The following CHD2 variants were observed in gnomAD, a reference collection of about 807,000 sequenced individuals.
CHD2 encodes chromodomain helicase DNA binding protein 2, also known as ATP-dependent chromatin remodeler CHD2.
A neutral mutation model predicts 243.9 loss-of-function variants in CHD2; 28 were observed. The observed-to-expected ratio is 0.11, with a 90% confidence interval of 0.09 to 0.16. The LOEUF is 0.16. CHD2 is among the 10% of genes least tolerant of loss of function. The pLI is 1.00. For synonymous variants in CHD2, 775 were observed against 779.0 expected (o/e 0.99, Z 0.09); for missense variants, 1,386 against 2,209.8 (o/e 0.63, Z 7.47).
intron 2 of CHD2, among the ~76,000 whole-genome samples, chr15:92,903,777 G>GT (rs1261822283): frequency 2.6e-5 from 4 of 152,200 alleles, no homozygotes; most frequent in Non-Finnish European, 5.9e-5. Context: ...ACGGCACCAC[G>GT]TTAGCAATTT....
At chr15:92,924,250 G>T (rs998482476) in intron 2 of CHD2, 71 bp from the exon 3 acceptor site, 47 of 1,383,618 alleles carry the variant, frequency 3.4e-5, no homozygotes, top group African/African-American at 5.8e-5. Flanking sequence ...TTTACCATGA[G>T]AATTTTTTTT....
chr15:93,011,406 G>T (rs763254697), intron 35 of CHD2, among the ~76,000 whole-genome samples: 1 of 152,232 alleles, frequency 6.6e-6, no homozygotes, highest in Admixed American at 6.5e-5. Context: ...GAGATGAACA[G>T]AGTTCTCAGG....
chr15:92,985,740 G>T (rs2141852180), intron 26 of CHD2, 67 bp downstream of exon 26: 1 of 1,497,798 alleles, frequency 6.7e-7, no homozygotes, highest in African/African-American at 1.4e-5. Flanking sequence ...GGGTTGACTG[G>T]ATCCTGGACA....
At chr15:92,980,213 T>A (rs1277333483) in intron 22 of CHD2, among the ~76,000 whole-genome samples, 1 of 86,434 alleles carries the variant, frequency 1.2e-5, no homozygotes, top group African/African-American at 3.4e-5. Context: ...CCTAGCTAAT[T>A]TTTTTTTTCT....
At chr15:92,990,354 T>C (rs2054101253) in intron 26 of CHD2, among the ~76,000 whole-genome samples, 1 of 152,244 alleles carries the variant, frequency 6.6e-6, no homozygotes, top group Admixed American at 6.5e-5. Context: ...TGAAGCTTGC[T>C]GAGCCATTTT....
Position 92,944,394 on chromosome 15 carries a change from TTCTG to T in CHD2, c.1053-12_1053-9del. The T allele has an allele frequency of 7.0e-7, 1 of 1,425,732 alleles. No homozygotes were observed. The highest frequency in any genetic ancestry group is 9.9e-7 in the Non-Finnish European group (1 of 1,012,774). 88.3% of individuals were successfully genotyped at this position (1,425,732 alleles called of 1,614,324 possible). A position where few individuals can be genotyped will look rare whatever the true frequency, so the allele number is the denominator to read the frequency against. On this transcript the variant is annotated splice_polypyrimidine_tract_variant and intron_variant, in intron 9 of 38. Coordinates refer to ENST00000394196, the MANE Select transcript of CHD2 (RefSeq NM_001271.4). ...CCAGACTTTAGTTTATGTGTACTTT[TTCTG>T]TCTGTCTGCCATTCAGGTTAGGGAA...
chr15:92,901,207 C>G lies in CHD2; in HGVS notation c.-31C>G. The G allele has an allele frequency of 1.5e-6, 2 of 1,365,388 alleles. No individual in the cohort carries two copies. The highest frequency in any genetic ancestry group is 1.2e-5 in the South Asian group (1 of 84,192). The allele number at this position is 1,365,388 out of a possible 1,614,324, so 84.6% of individuals were successfully genotyped here. A position where few individuals can be genotyped will look rare whatever the true frequency, so the allele number is the denominator to read the frequency against. On this transcript the variant is annotated 5_prime_UTR_variant, in exon 2 of 39. Transcript: ENST00000394196. The stretch of plus-strand genomic sequence containing the variant: ...AGGACTTCAAAGCAAACACAGATTC[C>G]CCCTCCCCCTTAATATTTAAGAATT...
rs201452886 is a variant in CHD2 at position 93,014,825 on chromosome 15, T to C, written c.4822T>C (p.Leu1608=). The change falls in exon 37 of 39, where the codon TTG becomes CTG. Residue 1608 remains leucine (L), a synonymous_variant. Transcript: ENST00000394196. ...CAACCTTCACCCTCAGAAGCCTCAT[T>C]TGCCTGCCTCCCATGGCCCACAGAT... ...SHNLHPQKPH[L]PASHGPQMHG... 4 of 1,614,130 alleles carry C rather than the reference T, an allele frequency of 2.5e-6. No homozygotes were observed. Among genetic ancestry groups the C allele is most frequent in the Non-Finnish European group, 3.4e-6 (4 of 1,180,018 alleles).
chr15:92,938,130 T>G (rs760725182), intron 6 of CHD2, among the ~76,000 whole-genome samples: 16 of 152,216 alleles, frequency 1.1e-4, no homozygotes, highest in Non-Finnish European at 2.2e-4. Context: ...CCTTGTAGTA[T>G]TGCTTAGAAT....
chr15:92,953,247 A>ACCTTGCTTGGCTGTTAT, intron 13 of CHD2, 110 bp from the exon 14 acceptor site: 1 of 783,244 alleles, frequency 1.3e-6, no homozygotes. Flanking sequence ...TATGAATGAC[A>ACCTTGCTTGGCTGTTAT]CCTTGCTTGG....
At chr15:93,009,898 A>T (rs79578096) in intron 35 of CHD2, among the ~76,000 whole-genome samples, 2 of 152,204 alleles carry the variant, frequency 1.3e-5, no homozygotes, top group African/African-American at 4.8e-5. Context: ...AAAGATTTCA[A>T]TAGTTTTAGG....
chr15:92,930,718 C>T (rs575101283), intron 5 of CHD2, among the ~76,000 whole-genome samples: 85 of 152,264 alleles, frequency 5.6e-4, no homozygotes, highest in African/African-American at 1.9e-3. Context: ...GCCACTGTGC[C>T]CCGCCACTTA....
At position 92,942,959 on chromosome 15, in the gene CHD2, T is replaced by G; in HGVS notation, c.943T>G (p.Ser315Ala). 1 of 1,614,066 alleles carries G rather than the reference T, an allele frequency of 6.2e-7. No homozygotes were observed. The highest frequency in any genetic ancestry group is 1.3e-5 in the African/African-American group (1 of 75,024). Reference protein sequence around the residue: ...IQYLIKWKGWSYIHSTWESEE... With the variant: ...IQYLIKWKGWAYIHSTWESEE... ...GTACCTCATCAAGTGGAAGGGTTGG[T>G]CTTACATCCACAGCACATGGGAGAG... The change falls in exon 9 of 39, where the codon TCT (serine) becomes GCT (alanine). Residue 315 changes from serine (S) to alanine (A), a missense_variant. By Grantham distance (99) the Ser-to-Ala change is moderately conservative. Coordinates refer to ENST00000394196, the MANE Select transcript of CHD2 (RefSeq NM_001271.4).
intron 33 of CHD2, among the ~76,000 whole-genome samples, chr15:93,003,119 T>TA (rs1013348136): frequency 6.6e-6 from 1 of 151,926 alleles, no homozygotes; most frequent in African/African-American, 2.4e-5. Context: ...CTCTACAAAA[T>TA]AAAAACAAGC....
At chr15:92,978,653 T>C (rs913079483) in intron 21 of CHD2, among the ~76,000 whole-genome samples, 4 of 152,224 alleles carry the variant, frequency 2.6e-5, no homozygotes, top group Non-Finnish European at 5.9e-5. Context: ...TGAATAGACT[T>C]AGAACTGAAC....
chr15:93,011,088 T>G (rs2054388567), intron 35 of CHD2, among the ~76,000 whole-genome samples: 1 of 152,190 alleles, frequency 6.6e-6, no homozygotes, highest in East Asian at 1.9e-4. Context: ...TTTTTTTTCT[T>G]CTTTTTAAAT....
rs181460944 is a variant in CHD2 at position 92,924,013 on chromosome 15, G to A, written c.63-308G>A. Among the ~76,000 whole-genome samples, 187 of 152,290 alleles carry A rather than the reference G, an allele frequency of 1.2e-3. 1 individual carries two copies. Among genetic ancestry groups the A allele is most frequent in the Non-Finnish European group, 2.0e-3 (135 of 68,022 alleles). ...GAGAGTTAAATACTTATGAGCCTCA[G>A]TTCAGCCTCATTTGAATGAAGGGGA... On this transcript the variant is annotated intron_variant, in intron 2 of 38. Coordinates refer to ENST00000394196, the MANE Select transcript of CHD2 (RefSeq NM_001271.4).
chr15:93,019,976 C>G, intron 37 of CHD2, 36 bp from the exon 38 acceptor site: 1 of 1,572,684 alleles, frequency 6.4e-7, no homozygotes, highest in Non-Finnish European at 8.6e-7. Context: ...TCATCCATTT[C>G]TTGCAGTCAT....
rs769617004 is a variant in CHD2 at position 92,955,429 on chromosome 15, G to A, written c.1726G>A (p.Glu576Lys). The A allele has an allele frequency of 6.4e-7, 1 of 1,571,612 alleles. No individual in the cohort carries two copies. The highest frequency in any genetic ancestry group is 8.6e-7 in the Non-Finnish European group (1 of 1,161,314). ...GDLMSRNTIR[E>K]YEWIHSQTKR... ...TTATGTTTTTTTCTTATAGATACGG[G>A]AATATGAATGGATTCATTCCCAAAC... is the stretch of plus-strand genomic sequence containing the variant. The change falls in exon 15 of 39, where the codon GAA becomes AAA. Residue 576 changes from glutamate to lysine, a missense_variant. Glu to Lys is a moderately conservative substitution (Grantham distance 56). Coordinates refer to ENST00000394196, the MANE Select transcript of CHD2 (RefSeq NM_001271.4).
Sources: gnomAD v4.1 joint callset for allele counts (sites outside exome capture counted in the v4.1 genomes callset) on GRCh38, gnomAD v4.1.1 for gene constraint, MANE v1.5 for transcripts, NCBI Gene and HGNC (gene_info 2026-07-23, HGNC 2026-07-21) for gene names.